GPC3: variants seen among roughly 807,000 people sequenced by gnomAD.
GPC3 encodes the protein glypican 3.
Under a neutral mutation model 34.4 loss-of-function variants are expected in GPC3, and 3 were observed. The observed-to-expected ratio is 0.09, with a 90% CI of 0.04 to 0.23. The LOEUF is 0.23. GPC3 is among the 10% of genes least tolerant of loss of function. The pLI is 1.00. For synonymous variants in GPC3, 177 were observed against 174.0 expected, an observed-to-expected ratio of 1.02 and a Z score of -0.13; for missense variants, 351 against 445.6, an observed-to-expected ratio of 0.79 and a Z score of 1.91.
intron 2 of GPC3, among the ~76,000 whole-genome samples, chrX:133,875,115 G>C (rs2076009787): frequency 8.9e-6 from 1 of 111,908 alleles, no homozygotes; most frequent in African/African-American, 3.2e-5. Context: ...TAACTAGAGA[G>C]TAGTGAGTTT....
chrX:133,697,776 A>C (rs1423226253), intron 4 of GPC3, among the ~76,000 whole-genome samples: 1 of 112,148 alleles, frequency 8.9e-6, no homozygotes, highest in East Asian at 2.8e-4. Flanking sequence ...TCGTTGATTC[A>C]CTCAGGACAT....
intron 2 of GPC3, among the ~76,000 whole-genome samples, chrX:133,824,350 A>T (rs554520046): frequency 3.6e-5 from 4 of 111,868 alleles, no homozygotes; most frequent in Non-Finnish European, 7.5e-5. Flanking sequence ...ACAAAGATAT[A>T]GAAGGACATC....
intron 2 of GPC3, among the ~76,000 whole-genome samples, chrX:133,856,686 G>A (rs1291083547): frequency 8.9e-6 from 1 of 111,861 alleles, no homozygotes; most frequent in Non-Finnish European, 1.9e-5. Flanking sequence ...TTTATGTTAT[G>A]GTTTCCATAT....
intron 2 of GPC3, among the ~76,000 whole-genome samples, chrX:133,894,710 C>T (rs1171050763): frequency 9.0e-6 from 1 of 111,512 alleles, no homozygotes; most frequent in African/African-American, 3.3e-5. Context: ...CATCGCGGTG[C>T]GTGCCTGTAA....
intron 2 of GPC3, among the ~76,000 whole-genome samples, chrX:133,784,299 CA>C (rs2072081116): frequency 8.9e-6 from 1 of 111,748 alleles, no homozygotes; most frequent in Non-Finnish European, 1.9e-5. Context: ...AAGTTATTTG[CA>C]GAAGTTACAC....
At chrX:133,880,737 C>T (rs896928448) in intron 2 of GPC3, among the ~76,000 whole-genome samples, 1 of 111,726 alleles carries the variant, frequency 9.0e-6, no homozygotes, top group Non-Finnish European at 1.9e-5. Flanking sequence ...CAAATTGTAA[C>T]AACAGGAATG....
At chrX:133,924,738 T>C (rs1253420458) in intron 2 of GPC3, among the ~76,000 whole-genome samples, 1 of 111,854 alleles carries the variant, frequency 8.9e-6, no homozygotes. Context: ...AAGAAACTCA[T>C]TGTCAAAAAC....
chrX:133,666,074 C>T (rs1021627410), intron 5 of GPC3, among the ~76,000 whole-genome samples: 2 of 111,970 alleles, frequency 1.8e-5, no homozygotes, highest in African/African-American at 6.5e-5. Flanking sequence ...GATTTTGCCC[C>T]GTACTCCAGC....
At chrX:133,899,028 G>C (rs1162913778) in intron 2 of GPC3, among the ~76,000 whole-genome samples, 1 of 111,818 alleles carries the variant, frequency 8.9e-6, no homozygotes, top group Admixed American at 9.5e-5. Context: ...CTTAGTAAAC[G>C]GCTCAAAGGC....
chrX:133,930,460 G>A (rs1413164722), intron 2 of GPC3, among the ~76,000 whole-genome samples: 22 of 111,756 alleles, frequency 2.0e-4, no homozygotes, highest in Non-Finnish European at 4.1e-4. Context: ...TTCCTACTTG[G>A]AAAATAGGGA....
chrX:133,673,383 T>G (rs1430460022), intron 5 of GPC3, among the ~76,000 whole-genome samples: 1 of 112,681 alleles, frequency 8.9e-6, no homozygotes, highest in Non-Finnish European at 1.9e-5. Context: ...AAGTTATTAT[T>G]GGCATCACTG....
At chrX:133,608,658 C>T (rs1254601123) in intron 6 of GPC3, among the ~76,000 whole-genome samples, 1 of 111,776 alleles carries the variant, frequency 8.9e-6, no homozygotes, top group Non-Finnish European at 1.9e-5. Flanking sequence ...AAGAGTCAAC[C>T]TCAATGACTG....
At chrX:133,899,982 T>C (rs1450030834) in intron 2 of GPC3, among the ~76,000 whole-genome samples, 1 of 111,244 alleles carries the variant, frequency 9.0e-6, no homozygotes, top group East Asian at 2.8e-4. Flanking sequence ...TTTGTCTTTT[T>C]AGTAGAGACA....
chrX:133,834,992 T>C (rs749382499), intron 2 of GPC3, among the ~76,000 whole-genome samples: 70 of 112,368 alleles, frequency 6.2e-4, no homozygotes, highest in African/African-American at 2.2e-3. Context: ...CTTATCTAGA[T>C]ACTTCATGGC....
At position 133,754,093 on chromosome X, in the gene GPC3, C is replaced by T. The variant is rs1360346581; in HGVS notation, c.421G>A (p.Ala141Thr). 4.2e-6 allele frequency: 5 copies of T among 1,204,092 alleles called. No individual in the cohort carries two copies. Among genetic ancestry groups the T allele is most frequent in the East Asian group, 3.0e-5 (1 of 33,692 alleles). The stretch of plus-strand genomic sequence containing the variant: ...AAAAATTCACCCACAAACTCAAAAG[C>T]TTGTGGAGTCAGGCTTGGGTAGTTG... ...KNNYPSLTPQ[A>T]FEFVGEFFTD... The change falls in exon 3 of 8, where the codon GCT becomes ACT. Residue 141 changes from alanine (A) to threonine (T), a missense_variant. Coordinates refer to ENST00000370818, the MANE Select transcript of GPC3 (RefSeq NM_004484.4).
chrX:133,859,312 G>T (rs2075924260), intron 2 of GPC3, among the ~76,000 whole-genome samples: 1 of 110,858 alleles, frequency 9.0e-6, no homozygotes, highest in South Asian at 3.9e-4. Flanking sequence ...TGCTGAGCCA[G>T]TCTTCCTGGA....
intron 2 of GPC3, among the ~76,000 whole-genome samples, chrX:133,756,895 G>A (rs1270392483): frequency 1.8e-5 from 2 of 112,232 alleles, no homozygotes; most frequent in African/African-American, 3.2e-5. Context: ...AAGGCTCCTG[G>A]GAGACTTATA....
At chrX:133,659,188 G>C (rs2049707456) in intron 6 of GPC3, among the ~76,000 whole-genome samples, 1 of 112,537 alleles carries the variant, frequency 8.9e-6, no homozygotes, top group South Asian at 3.7e-4. Context: ...AAAGCTCAGA[G>C]AGGTTAACTG....
At chrX:133,632,432 T>C (rs775012920) in intron 6 of GPC3, among the ~76,000 whole-genome samples, 2 of 111,912 alleles carry the variant, frequency 1.8e-5, no homozygotes, top group African/African-American at 3.2e-5. Context: ...ACACAACATA[T>C]GTGCTCAAAG....
Sources: allele counts gnomAD v4.1 joint callset (sites outside exome capture counted in the v4.1 genomes callset), GRCh38; gene constraint gnomAD v4.1.1; transcripts MANE v1.5; gene names NCBI Gene and HGNC (gene_info 2026-07-23, HGNC 2026-07-21).